SERINC5: variants seen among roughly 807,000 people sequenced by gnomAD.
SERINC5 encodes the protein chromosome 5 open reading frame 12.
Under a neutral mutation model 63.1 loss-of-function variants are expected in SERINC5, and 41 were observed. That is an observed-to-expected ratio of 0.65 (90% confidence interval 0.51 to 0.84). The LOEUF (loss-of-function observed/expected upper bound fraction) is 0.84. Ranked by LOEUF, SERINC5 falls within the 40% of genes least tolerant of loss-of-function variation. SERINC5 has a pLI of 0.00. For missense variants in SERINC5, 523 were observed against 573.0 expected (o/e 0.91, Z 0.89); for synonymous variants, 222 against 215.2 (o/e 1.03, Z -0.28).
At chr5:80,241,270 A>G (rs1370439590) in intron 1 of SERINC5, among the ~76,000 whole-genome samples, 1 of 151,918 alleles carries the variant, frequency 6.6e-6, no homozygotes, top group East Asian at 1.9e-4. Context: ...GGAGATCGAG[A>G]CCATCCTGGC....
intron 2 of SERINC5, among the ~76,000 whole-genome samples, chr5:80,178,787 T>C (rs1237457463): frequency 1.3e-5 from 1 of 78,740 alleles, no homozygotes; most frequent in African/African-American, 5.3e-5. Context: ...ATGTCACTCC[T>C]CTCCCTCAGA....
At chr5:80,172,313 C>A (rs1747722188) in intron 5 of SERINC5, among the ~76,000 whole-genome samples, 1 of 152,024 alleles carries the variant, frequency 6.6e-6, no homozygotes, top group Non-Finnish European at 1.5e-5. Context: ...AGAGCAAGAC[C>A]CTGTCTCACA....
intron 7 of SERINC5, among the ~76,000 whole-genome samples, chr5:80,165,604 T>C (rs75946551): frequency 0.15 from 22,555 of 152,176 alleles, 1,768 homozygotes; most frequent in South Asian, 0.27. Flanking sequence ...CTAATCACTA[T>C]GTTCTGTTGT....
At position 80,202,877 on chromosome 5, in the gene SERINC5, C is replaced by T. The variant is rs767496195; in HGVS notation, c.195+9G>A. On this transcript the variant is annotated intron_variant, in intron 2 of 11. Coordinates refer to ENST00000507668, the MANE Select transcript of SERINC5 (RefSeq NM_001174072.3). ...GGAAATAGGACGAGCTGAACACGGACAAACTTACGTGCTCTTTCATCTTGT... is the reference window on the plus strand; with the variant it reads ...GGAAATAGGACGAGCTGAACACGGATAAACTTACGTGCTCTTTCATCTTGT... 6.2e-7 allele frequency: 1 copy of T among 1,603,194 alleles called. No homozygotes were observed.
chr5:80,195,449 C>G (rs756048850), intron 2 of SERINC5, among the ~76,000 whole-genome samples: 1 of 152,066 alleles, frequency 6.6e-6, no homozygotes, highest in Non-Finnish European at 1.5e-5. Context: ...TAACACCACA[C>G]GTATTTGCTG....
At position 80,207,486 on chromosome 5, in the gene SERINC5, T is replaced by C. The variant is rs910888746; in HGVS notation, c.28-4433A>G. Among the ~76,000 whole-genome samples, 88 of 152,304 alleles carry C rather than the reference T, an allele frequency of 5.8e-4. 1 individual carries two copies. Among genetic ancestry groups the C allele is most frequent in the African/African-American group, 1.9e-3 (81 of 41,570 alleles). On this transcript the variant is annotated intron_variant, in intron 1 of 11. Coordinates refer to ENST00000507668, the MANE Select transcript of SERINC5 (RefSeq NM_001174072.3). ...GATACAAACATCACTGTGAGCCTAA[T>C]TGGAACTGATCATCTAAAGGCAGAC...
In SERINC5 at chr5:80,139,792, T is replaced by A; in HGVS notation, c.*3871A>T. ...TTGTCCCTGAAGAAGGAGGGCCCAGTGTTCTTTCTGGGTGTGTAAGGTCTT... is the reference window on the plus strand; with the variant it reads ...TTGTCCCTGAAGAAGGAGGGCCCAGAGTTCTTTCTGGGTGTGTAAGGTCTT... On this transcript the variant is annotated 3_prime_UTR_variant, in exon 12 of 12. Coordinates refer to ENST00000507668, the MANE Select transcript of SERINC5 (RefSeq NM_001174072.3). 1 of 985,430 alleles carries A rather than the reference T, an allele frequency of 1.0e-6. No homozygotes were observed. The highest frequency in any genetic ancestry group is 1.2e-6 in the Non-Finnish European group (1 of 829,942). The allele number at this position is 985,430 out of a possible 1,614,324, so 61.0% of individuals were successfully genotyped here. A position where few individuals can be genotyped will look rare whatever the true frequency, so the allele number is the denominator to read the frequency against.
chr5:80,147,219 G>A (rs1432918632), intron 10 of SERINC5, 26 bp downstream of exon 10: 2 of 1,584,356 alleles, frequency 1.3e-6, no homozygotes, highest in Non-Finnish European at 8.6e-7. Flanking sequence ...CCACACAGGT[G>A]CAAAGAATAA....
chr5:80,136,109 T>G (rs1466687086), downstream of SERINC5, among the ~76,000 whole-genome samples: 2 of 152,038 alleles, frequency 1.3e-5, no homozygotes, highest in Non-Finnish European at 2.9e-5. Context: ...ACACCTGTAA[T>G]CCCAGCACTT....
rs1447930896 is a variant in SERINC5, at chr5:80,161,022, ATATATACACACGTG to A, written c.860-2074_860-2061del. 2.3e-3 allele frequency among the ~76,000 whole-genome samples: 291 copies of A among 124,124 alleles called. 3 individuals carry two copies. Among genetic ancestry groups the A allele is most frequent in the African/African-American group, 0.011 (283 of 26,186 alleles). 81.4% of individuals were successfully genotyped at this position (124,124 alleles called of 152,430 possible). ...TATATACGTGTATATATACGTGTAT[ATATATACACACGTG>A]TATATATATATATGTATGTATGTAT... On this transcript the variant is annotated intron_variant, in intron 7 of 11. Transcript: ENST00000507668.
chr5:80,141,404 T>A lies in SERINC5; in HGVS notation c.*2259A>T. 3.0e-6 allele frequency: 3 copies of A among 985,420 alleles called. No individual in the cohort carries two copies. Among genetic ancestry groups the A allele is most frequent in the Non-Finnish European group, 3.6e-6 (3 of 829,934 alleles). 61.0% of individuals were successfully genotyped at this position (985,420 alleles called of 1,614,324 possible). On this transcript the variant is annotated 3_prime_UTR_variant, in exon 12 of 12. Transcript: ENST00000507668. ...TGCTTTCTGCAGAGGAAAGGGCCAA[T>A]CACGGCCAGCCAAGGAATACAAGGC...
intron 1 of SERINC5, among the ~76,000 whole-genome samples, chr5:80,239,103 T>C (rs1040764940): frequency 3.9e-5 from 6 of 152,228 alleles, no homozygotes; most frequent in African/African-American, 1.2e-4. Flanking sequence ...TAGGTGGATA[T>C]GCCACTGCCT....
In SERINC5 at chr5:80,255,854, C is replaced by G. The variant is rs771101745; in HGVS notation, c.27+42G>C. 4 of 1,584,428 alleles carry G rather than the reference C, an allele frequency of 2.5e-6. No individual in the cohort carries two copies. The African/African-American group carries it at 4.1e-5, about 16-fold the overall frequency. ...CCACGCCTGGACTCCTGGCCCGGTT[C>G]TCCGATCTGACAACCCCCGCGCTGC... On this transcript the variant is annotated intron_variant, in intron 1 of 11. Transcript: ENST00000507668.
At chr5:80,161,990 T>C (rs1489588214) in intron 7 of SERINC5, among the ~76,000 whole-genome samples, 2 of 152,236 alleles carry the variant, frequency 1.3e-5, no homozygotes, top group East Asian at 3.8e-4. Flanking sequence ...GTGTGTGTTC[T>C]TGTCAACTTT....
chr5:80,167,921 G>C (rs1288636908), intron 6 of SERINC5, among the ~76,000 whole-genome samples: 1 of 152,066 alleles, frequency 6.6e-6, no homozygotes, highest in Non-Finnish European at 1.5e-5. Flanking sequence ...TTATTAAATT[G>C]TAATTACCAA....
chr5:80,179,170 G>A (rs193063827), intron 2 of SERINC5, among the ~76,000 whole-genome samples: 10 of 151,862 alleles, frequency 6.6e-5, no homozygotes, highest in East Asian at 1.9e-4. Context: ...GTGGTGGCTC[G>A]TGCCTGTAAT....
intron 1 of SERINC5, among the ~76,000 whole-genome samples, chr5:80,245,803 C>T (rs529101396): frequency 1.3e-5 from 2 of 151,464 alleles, no homozygotes; most frequent in African/African-American, 2.4e-5. Context: ...TTAGTAGAGA[C>T]GGGGCTTCAC....
chr5:80,213,245 C>CAAAAAAAAAAAAA lies in SERINC5; in HGVS notation c.28-10193_28-10192insTTTTTTTTTTTTT, dbSNP rs57289084. ...TGGGCAACAGGGCAAGACTGCATCTCAAAGAAAGAAAAAAGAAAGCTAAAG... is the reference window on the plus strand; with the variant it reads ...TGGGCAACAGGGCAAGACTGCATCTCAAAAAAAAAAAAAAAAGAAAGAAAAAAGAAAGCTAAAG... On this transcript the variant is annotated intron_variant, in intron 1 of 11. Coordinates refer to ENST00000507668, the MANE Select transcript of SERINC5 (RefSeq NM_001174072.3). Among the ~76,000 whole-genome samples, 25 of 132,660 alleles carry CAAAAAAAAAAAAA rather than the reference C, an allele frequency of 1.9e-4. 4 individuals carry two copies. Among genetic ancestry groups the CAAAAAAAAAAAAA allele is most frequent in the Admixed American group, 3.3e-4 (4 of 12,210 alleles). 87.0% of individuals were successfully genotyped at this position (132,660 alleles called of 152,430 possible).
At chr5:80,168,327 G>A (rs1747436660) in intron 6 of SERINC5, among the ~76,000 whole-genome samples, 1 of 152,028 alleles carries the variant, frequency 6.6e-6, no homozygotes, top group Non-Finnish European at 1.5e-5. Context: ...CTCCCGGGTA[G>A]CTGGGAATAC....
Sources: gnomAD v4.1 joint callset for allele counts (sites outside exome capture counted in the v4.1 genomes callset) on GRCh38, gnomAD v4.1.1 for gene constraint, MANE v1.5 for transcripts, NCBI Gene and HGNC (gene_info 2026-07-23, HGNC 2026-07-21) for gene names.